Variants in TRRAP observed in about 807,000 individuals in gnomAD.
TRRAP encodes transformation/transcription domain-associated protein.
Under a neutral mutation model 438.8 loss-of-function variants are expected in TRRAP, and 41 were observed. That is an observed-to-expected ratio of 0.09 (90% confidence interval 0.07 to 0.12). The LOEUF (loss-of-function observed/expected upper bound fraction) is 0.12, where lower values mean the gene tolerates loss of function less well. Ranked by LOEUF, TRRAP falls within the 10% of genes least tolerant of loss-of-function variation. TRRAP has a pLI of 1.00. For missense variants in TRRAP, 3,122 were observed against 5,055.1 expected (o/e 0.62, Z 11.60); for synonymous variants, 1,994 against 1,962.9 (o/e 1.02, Z -0.42).
intron 25 of TRRAP, 81 bp downstream of exon 25, chr7:98,930,911 C>T (rs1288754528): frequency 1.3e-5 from 20 of 1,527,596 alleles, no homozygotes; most frequent in Non-Finnish European, 1.6e-5. Flanking sequence ...GATCCTTCTG[C>T]AAATATGCTC....
Position 98,895,821 on chromosome 7 carries a change from G to A in TRRAP, c.507+1G>A. ...TTACAAGGAGCTTCCAAAAGTAGTG[G>A]TATGTTTTTACTTTGGTTTTAATTA... On this transcript the variant is annotated splice_donor_variant, in intron 7 of 72. Coordinates refer to ENST00000456197, the MANE Select transcript of TRRAP (RefSeq NM_001375524.1). LOFTEE classifies it high-confidence loss of function. 1 of 1,601,558 alleles carries A rather than the reference G, an allele frequency of 6.2e-7. No homozygotes were observed.
chr7:98,908,635 G>C lies in TRRAP; in HGVS notation c.1116-93G>C. The C allele has an allele frequency of 8.8e-7, 1 of 1,138,586 alleles. No individual in the cohort carries two copies. Among genetic ancestry groups the C allele is most frequent in the Non-Finnish European group, 1.3e-6 (1 of 796,814 alleles). 70.5% of individuals were successfully genotyped at this position (1,138,586 alleles called of 1,614,324 possible). A position where few individuals can be genotyped will look rare whatever the true frequency, so the allele number is the denominator to read the frequency against. Reference sequence around the variant, plus strand: ...ATGTAAGTGTGCCGACCCAGGGGTGGTGTTCCTGGGGCAGATGGTGATATC... The same window carrying C: ...ATGTAAGTGTGCCGACCCAGGGGTGCTGTTCCTGGGGCAGATGGTGATATC... On this transcript the variant is annotated intron_variant, in intron 13 of 72. Coordinates refer to ENST00000456197, the MANE Select transcript of TRRAP (RefSeq NM_001375524.1). The surrounding 1 kb of genome is among the most constrained non-coding windows in gnomAD (Gnocchi z 4.1).
Position 98,917,458 on chromosome 7 carries a change from C to T in TRRAP, c.2401C>T (p.His801Tyr). Residue 801 changes from histidine to tyrosine, a missense_variant, in exon 20 of 73, where the codon CAC becomes TAC. Coordinates refer to ENST00000456197, the MANE Select transcript of TRRAP (RefSeq NM_001375524.1). ...NMLQSGLHKQ[H>Y]MKDLFVELCL... is the part of the protein sequence containing the mutation. ...GCTTCAGAGTGGCCTGCACAAGCAGCACATGAAGGACCTCTTTGTGGAGCT... is the reference window on the plus strand; with the variant it reads ...GCTTCAGAGTGGCCTGCACAAGCAGTACATGAAGGACCTCTTTGTGGAGCT... 6.2e-7 allele frequency: 1 copy of T among 1,614,186 alleles called. No individual in the cohort carries two copies. The highest frequency in any genetic ancestry group is 8.5e-7 in the Non-Finnish European group (1 of 1,180,034).
rs1444832477 is a variant in TRRAP at position 98,985,163 on chromosome 7, TTAGG to T, written c.9389+124_9389+127del. Reference sequence around the variant, plus strand: ...AATGGGTATGATTTGGTGACAGTCATTAGGTAGGATTTTTTAGGTACTGCACCTC... The same window carrying T: ...AATGGGTATGATTTGGTGACAGTCATTAGGATTTTTTAGGTACTGCACCTC... On this transcript the variant is annotated intron_variant, in intron 62 of 72. Transcript: ENST00000456197. The T allele has an allele frequency of 4.6e-5, 32 of 693,742 alleles. No individual in the cohort carries two copies. The African/African-American group carries it at 5.6e-4, about 12-fold the overall frequency. 43.0% of individuals were successfully genotyped at this position (693,742 alleles called of 1,614,324 possible).
chr7:98,936,345 G>A (rs782357029), intron 28 of TRRAP, among the ~76,000 whole-genome samples: 1 of 152,180 alleles, frequency 6.6e-6, no homozygotes, highest in Non-Finnish European at 1.5e-5. Flanking sequence ...TCCAGACAGT[G>A]CAAGCCAAAG....
chr7:98,949,318 A>G (rs1420590685), intron 35 of TRRAP, 99 bp from the exon 36 acceptor site: 14 of 1,310,656 alleles, frequency 1.1e-5, no homozygotes. Flanking sequence ...AGATTTAGAA[A>G]GATTTTTAAA....
At chr7:98,981,659 A>G in intron 58 of TRRAP, 110 bp from the exon 59 acceptor site, 2 of 1,076,580 alleles carry the variant, frequency 1.9e-6, no homozygotes, top group Non-Finnish European at 2.6e-6. Context: ...ATTTCTGTGT[A>G]TTGCCTTGCA....
chr7:98,893,940 A>G, intron 6 of TRRAP, 59 bp downstream of exon 6: 1 of 1,559,098 alleles, frequency 6.4e-7, no homozygotes, highest in Non-Finnish European at 8.7e-7. Context: ...TCCTTCTGTG[A>G]AATTTTTTGC....
intron 31 of TRRAP, 58 bp downstream of exon 31, chr7:98,943,075 A>T: frequency 1.9e-6 from 3 of 1,578,326 alleles, no homozygotes; most frequent in Non-Finnish European, 8.7e-7. Context: ...GTCAGTGCTA[A>T]TGCCGGGACA....
At position 98,945,463 on chromosome 7, in the gene TRRAP, C is replaced by A. The variant is rs1791006807; in HGVS notation, c.4474-284C>A. ...TGTACTTGCATACAACAAGGTCTTCCAGTTTCTCCCCTTTCACAAGAATCC... is the reference window on the plus strand; with the variant it reads ...TGTACTTGCATACAACAAGGTCTTCAAGTTTCTCCCCTTTCACAAGAATCC... On this transcript the variant is annotated intron_variant, in intron 31 of 72. Transcript: ENST00000456197. Among the ~76,000 whole-genome samples, 8 of 152,304 alleles carry A rather than the reference C, an allele frequency of 5.3e-5. No homozygotes were observed. The South Asian group carries it at 1.7e-3, about 32-fold the overall frequency.
chr7:98,933,257 T>TC lies in TRRAP; in HGVS notation c.3875dup (p.Lys1293Ter). On this transcript the variant is annotated frameshift_variant, in exon 27 of 73. Coordinates refer to ENST00000456197, the MANE Select transcript of TRRAP (RefSeq NM_001375524.1). LOFTEE classifies it high-confidence loss of function. ...CTTCCCCAGGTCCTGCAGGATATGG[T>TC]CCCCCCTAAGAAGCACCTGCTCCGA... The TC allele has an allele frequency of 6.2e-7, 1 of 1,613,070 alleles. No homozygotes were observed. The highest frequency in any genetic ancestry group is 8.5e-7 in the Non-Finnish European group (1 of 1,179,666).
chr7:98,925,864 G>C (rs1363181245), intron 22 of TRRAP, among the ~76,000 whole-genome samples: 3 of 152,160 alleles, frequency 2.0e-5, no homozygotes, highest in Non-Finnish European at 4.4e-5. Flanking sequence ...GAAGAGAGAG[G>C]AGTCAAGGTA....
chr7:98,945,815 T>A lies in TRRAP; in HGVS notation c.4527+15T>A. On this transcript the variant is annotated intron_variant, in intron 32 of 72. Transcript: ENST00000456197. Reference sequence around the variant, plus strand: ...GTCAGTTTGAGGTGAGAACAACCTATTAACAGTCAGTTTCTGACTTGCAAT... The same window carrying A: ...GTCAGTTTGAGGTGAGAACAACCTAATAACAGTCAGTTTCTGACTTGCAAT... 1 of 1,597,438 alleles carries A rather than the reference T, an allele frequency of 6.3e-7. No homozygotes were observed. The highest frequency in any genetic ancestry group is 1.1e-5 in the South Asian group (1 of 90,684).
intron 58 of TRRAP, among the ~76,000 whole-genome samples, chr7:98,979,455 C>T (rs1195295935): frequency 1.3e-5 from 2 of 152,166 alleles, no homozygotes; most frequent in Non-Finnish European, 2.9e-5. Flanking sequence ...TAGGGAATGA[C>T]AAGAAAAAGC....
In TRRAP at chr7:98,948,813, A is replaced by G. The variant is rs1791200075; in HGVS notation, c.4788+128A>G. The G allele has an allele frequency of 6.9e-7, 1 of 1,456,628 alleles. No homozygotes were observed. Among genetic ancestry groups the G allele is most frequent in the African/African-American group, 1.4e-5 (1 of 71,294 alleles). The allele number at this position is 1,456,628 out of a possible 1,614,324, so 90.2% of individuals were successfully genotyped here. On this transcript the variant is annotated intron_variant, in intron 35 of 72. Coordinates refer to ENST00000456197, the MANE Select transcript of TRRAP (RefSeq NM_001375524.1). This position sits in a 1 kb window ranked among gnomAD's most constrained non-coding sequence, Gnocchi z 4.9. ...GCTTTTTTTTCAGATCCATTTGAATATTGGAAACAGCATTGCTGTTTGGTT... is the reference window on the plus strand; with the variant it reads ...GCTTTTTTTTCAGATCCATTTGAATGTTGGAAACAGCATTGCTGTTTGGTT...
intron 52 of TRRAP, 127 bp from the exon 53 acceptor site, chr7:98,971,672 T>C: frequency 8.9e-7 from 1 of 1,120,318 alleles, no homozygotes; most frequent in Non-Finnish European, 1.3e-6. Context: ...ATTTAAATAC[T>C]TACACACTTC....
In TRRAP at chr7:98,972,701, T is replaced by C. The variant is rs370455272; in HGVS notation, c.7839+756T>C. Among the ~76,000 whole-genome samples, 3 of 152,352 alleles carry C rather than the reference T, an allele frequency of 2.0e-5. No homozygotes were observed. The East Asian group carries it at 5.8e-4, about 29-fold the overall frequency. On this transcript the variant is annotated intron_variant, in intron 53 of 72. Transcript: ENST00000456197. ...TTGATGAGGAGGTATTTTTCTGTTC[T>C]TTCAGGAGCTGGGTGATGATTCTGA...
At position 98,948,977 on chromosome 7, in the gene TRRAP, A is replaced by G. The variant is rs1554417509; in HGVS notation, c.4788+292A>G. 6.6e-6 allele frequency among the ~76,000 whole-genome samples: 1 copy of G among 152,242 alleles called. No individual in the cohort carries two copies. Among genetic ancestry groups the G allele is most frequent in the Non-Finnish European group, 1.5e-5 (1 of 68,046 alleles). On this transcript the variant is annotated intron_variant, in intron 35 of 72. Coordinates refer to ENST00000456197, the MANE Select transcript of TRRAP (RefSeq NM_001375524.1). This position sits in a 1 kb window ranked among gnomAD's most constrained non-coding sequence, Gnocchi z 4.9. ...GTATTTTCTAAGGGCCCACACCTGTAATCCCAGCACTTCGGGAAACTGAGG... is the reference window on the plus strand; with the variant it reads ...GTATTTTCTAAGGGCCCACACCTGTGATCCCAGCACTTCGGGAAACTGAGG...
intron 65 of TRRAP, among the ~76,000 whole-genome samples, chr7:98,993,216 G>T (rs144774645): frequency 1.3e-3 from 199 of 152,320 alleles, no homozygotes; most frequent in African/African-American, 4.2e-3. Context: ...GAGTTCTCAG[G>T]GAACTCTTGT....
Sources: allele counts gnomAD v4.1 joint callset (sites outside exome capture counted in the v4.1 genomes callset), GRCh38; gene constraint gnomAD v4.1.1; non-coding constraint Gnocchi (gnomAD v3.1); transcripts MANE v1.5; gene names NCBI Gene and HGNC (gene_info 2026-07-23, HGNC 2026-07-21).